Variants in RBM26 observed in about 807,000 individuals in gnomAD.
RBM26 encodes the protein RNA binding motif protein 26, also known as RNA-binding protein 26.
In RBM26, 30 loss-of-function variants were observed where a neutral mutation model predicts 123.6. The observed-to-expected ratio is 0.24, with a 90% confidence interval of 0.18 to 0.33. RBM26 has a LOEUF of 0.33. RBM26 is among the 10% of genes least tolerant of loss of function. RBM26 has a pLI of 1.00. For synonymous variants in RBM26, 400 were observed against 404.4 expected, an observed-to-expected ratio of 0.99 and a Z score of 0.13; for missense variants, 947 against 1,203.6, an observed-to-expected ratio of 0.79 and a Z score of 3.15.
intron 1 of RBM26, among the ~76,000 whole-genome samples, chr13:79,402,118 G>A (rs540042548): frequency 6.7e-6 from 1 of 149,880 alleles, no homozygotes; most frequent in South Asian, 2.1e-4. Flanking sequence ...TTGTTTAAAA[G>A]TTTACTACAA....
At chr13:79,385,603 C>T (rs1459317358) in intron 1 of RBM26, among the ~76,000 whole-genome samples, 1 of 152,056 alleles carries the variant, frequency 6.6e-6, no homozygotes, top group Non-Finnish European at 1.5e-5. Context: ...AAATAGGAAC[C>T]ACTCCAAACA....
chr13:79,312,036 A>G (rs1593797690), exon 5 of RBM26: 1 of 152,048 alleles, frequency 6.6e-6, no homozygotes, highest in East Asian at 1.9e-4. Context: ...ATTACTTTAA[A>G]AAAATAAACA....
intron 9 of RBM26, among the ~76,000 whole-genome samples, chr13:79,364,127 A>G (rs958476587): frequency 2.7e-5 from 3 of 110,342 alleles, no homozygotes; most frequent in Non-Finnish European, 6.1e-5. Flanking sequence ...GTTAAAAAAA[A>G]TCTTTTTTCT....
chr13:79,388,187 C>G (rs1299156332), intron 1 of RBM26, among the ~76,000 whole-genome samples: 1 of 152,210 alleles, frequency 6.6e-6, no homozygotes, highest in Non-Finnish European at 1.5e-5. Context: ...CCTCCGCCTC[C>G]CGGGTTCAAG....
Position 79,368,113 on chromosome 13 carries a change from C to A in RBM26, c.895+617G>T, listed in dbSNP as rs1443917169. Among the ~76,000 whole-genome samples, 3 of 151,826 alleles carry A rather than the reference C, an allele frequency of 2.0e-5. No individual in the cohort carries two copies. In the East Asian group the frequency reaches 5.8e-4, roughly 29 times the overall value. On this transcript the variant is annotated intron_variant, in intron 6 of 21. Transcript: ENST00000438737. ...CGATCTTGGCTTACTGCAAGCTCCA[C>A]CTCCCGGTTTCACGCCTTCTCCTGC...
chr13:79,383,196 A>G (rs950665189), intron 1 of RBM26, among the ~76,000 whole-genome samples: 3 of 152,184 alleles, frequency 2.0e-5, no homozygotes, highest in Non-Finnish European at 4.4e-5. Context: ...CTCTTGGCAA[A>G]TAAGCACTGG....
intron 1 of RBM26, among the ~76,000 whole-genome samples, chr13:79,397,388 T>C (rs777097255): frequency 6.6e-6 from 1 of 151,892 alleles, no homozygotes; most frequent in Non-Finnish European, 1.5e-5. Context: ...TACTTCAACA[T>C]TGTACTATTG....
At chr13:79,372,925 A>C (rs181788955) in intron 3 of RBM26, among the ~76,000 whole-genome samples, 2,194 of 54,644 alleles carry the variant, frequency 0.04, 380 homozygotes, top group Middle Eastern at 0.19. Flanking sequence ...ATTTTATATA[A>C]TATATAAGAT....
chr13:79,366,541 C>T (rs2075286819), intron 7 of RBM26, 92 bp downstream of exon 7: 1 of 1,327,504 alleles, frequency 7.5e-7, no homozygotes, highest in African/African-American at 1.5e-5. Context: ...TTTGGGATTC[C>T]TTTAGATACT....
chr13:79,393,547 T>C (rs761659883), intron 1 of RBM26, among the ~76,000 whole-genome samples: 3 of 152,342 alleles, frequency 2.0e-5, no homozygotes, highest in Admixed American at 6.5e-5. Flanking sequence ...TCCGCATGAC[T>C]TGAGTACATT....
chr13:79,371,283 A>T (rs1402324854), intron 4 of RBM26, 121 bp from the exon 5 acceptor site: 6 of 740,330 alleles, frequency 8.1e-6, no homozygotes. Flanking sequence ...CCATCAGACA[A>T]CTGAAAAAAC....
In RBM26 at chr13:79,384,541, A is replaced by G. The variant is rs556387423; in HGVS notation, c.72-5634T>C. ...CAAAGTGTTGGGATTTACAGGTGAG[A>G]GCAATAGTGCCCAGCTGGCATCTTT... On this transcript the variant is annotated intron_variant, in intron 1 of 21. Transcript: ENST00000438737. Among the ~76,000 whole-genome samples the G allele has an allele frequency of 3.9e-5, 6 of 152,168 alleles. No homozygotes were observed. The East Asian group carries it at 5.8e-4, about 15-fold the overall frequency.
intron 7 of RBM26, 50 bp downstream of exon 7, chr13:79,366,583 T>TA (rs764963877): frequency 4.1e-6 from 6 of 1,472,984 alleles, no homozygotes; most frequent in Non-Finnish European, 5.4e-6. Context: ...GTTTTAAAAA[T>TA]AGACTAAGAA....
At chr13:79,405,088 A>G (rs2079409419) in intron 1 of RBM26, among the ~76,000 whole-genome samples, 1 of 152,244 alleles carries the variant, frequency 6.6e-6, no homozygotes, top group Admixed American at 6.5e-5. Flanking sequence ...AAATCTATCT[A>G]TAGCATCCCA....
chr13:79,318,705 A>T (rs2067374009), downstream of RBM26: 1 of 709,156 alleles, frequency 1.4e-6, no homozygotes, highest in Non-Finnish European at 1.7e-6. Flanking sequence ...GTTACATTGT[A>T]AGGGAATTTT....
downstream of RBM26, chr13:79,314,467 A>C (rs1439165601): frequency 6.6e-6 from 1 of 151,892 alleles, no homozygotes; most frequent in Admixed American, 6.6e-5. Flanking sequence ...ACAAGCTATT[A>C]CAGTACATAA....
rs752521717 is a variant in RBM26 at position 79,365,661 on chromosome 13, C to T, written c.1334G>A (p.Arg445Lys). Reference sequence around the variant, plus strand: ...ATGCACTCTGTGTCTATACATAGGTCTGGAAGTGTTTGTTATGCTTGGGGC... The same window carrying T: ...ATGCACTCTGTGTCTATACATAGGTTTGGAAGTGTTTGTTATGCTTGGGGC... ...PEAPSITNTSRPMYRHRVHAQ... is the reference protein window; with the variant it reads ...PEAPSITNTSKPMYRHRVHAQ... Residue 445 changes from arginine (R) to lysine (K), a missense_variant, in exon 9 of 22, where the codon AGA (arginine) becomes AAA (lysine). Coordinates refer to ENST00000438737, the MANE Select transcript of RBM26 (RefSeq NM_001366735.2). 2.5e-6 allele frequency: 4 copies of T among 1,613,834 alleles called. No individual in the cohort carries two copies. The highest frequency in any genetic ancestry group is 3.4e-6 in the Non-Finnish European group (4 of 1,179,844).
chr13:79,342,733 C>T lies in RBM26; in HGVS notation c.2358G>A (p.Lys786=), dbSNP rs757340193. 6.2e-7 allele frequency: 1 copy of T among 1,611,896 alleles called. No individual in the cohort carries two copies. Residue 786 remains lysine, a synonymous_variant, in exon 17 of 22, where the codon AAG becomes AAA. Coordinates refer to ENST00000438737, the MANE Select transcript of RBM26 (RefSeq NM_001366735.2). The part of the protein sequence containing the change: ...TLEVLTKNIT[K]LKDEVKAASP... ...AAGCAGCTTTGACCTCATCTTTCAA[C>T]TTGGTAATATTTTTTGTCAAAACCT...
In RBM26 at chr13:79,351,391, C is replaced by A. The variant is rs145966958; in HGVS notation, c.2058+1762G>T. On this transcript the variant is annotated intron_variant, in intron 14 of 21. Coordinates refer to ENST00000438737, the MANE Select transcript of RBM26 (RefSeq NM_001366735.2). ...TAATCAAAATCTATCACCTCAAACA[C>A]TTCCAGTGTTTCTTTTTTCTGAAAT... Among the ~76,000 whole-genome samples the A allele has an allele frequency of 7.3e-4, 111 of 152,254 alleles. 1 individual carries two copies. Among genetic ancestry groups the A allele is most frequent in the African/African-American group, 2.6e-3 (107 of 41,536 alleles).
Sources: allele counts gnomAD v4.1 joint callset (sites outside exome capture counted in the v4.1 genomes callset), GRCh38; gene constraint gnomAD v4.1.1; transcripts MANE v1.5; gene names NCBI Gene and HGNC (gene_info 2026-07-23, HGNC 2026-07-21).